Variants in MFSD1 observed in about 807,000 individuals in gnomAD.
MFSD1 encodes major facilitator superfamily domain containing 1, also known as lysosomal dipeptide transporter MFSD1.
A neutral mutation model predicts 67.1 loss-of-function variants in MFSD1; 59 were observed. The observed-to-expected ratio is 0.88, with a 90% CI of 0.71 to 1.09. The LOEUF is 1.09. MFSD1 is among the 50% of genes least tolerant of loss of function. The pLI is 0.00. For missense variants in MFSD1, 552 were observed against 566.1 expected, an observed-to-expected ratio of 0.97 and a Z score of 0.25; for synonymous variants, 213 against 200.3, an observed-to-expected ratio of 1.06 and a Z score of -0.54.
chr3:158,819,914 A>G (rs1479724707), intron 8 of MFSD1, among the ~76,000 whole-genome samples, 167 bp downstream of exon 8: 1 of 151,900 alleles, frequency 6.6e-6, no homozygotes, highest in Non-Finnish European at 1.5e-5. Flanking sequence ...TTTTAGATGT[A>G]TTTTCTTTTC....
Position 158,825,825 on chromosome 3 carries a change from C to T in MFSD1, c.1289-190C>T, listed in dbSNP as rs375054183. On this transcript the variant is annotated intron_variant, in intron 13 of 15. Coordinates refer to ENST00000415822, the MANE Select transcript of MFSD1 (RefSeq NM_022736.4). ...CCTGCCACCCCTGGGCTGAGTAGCC[C>T]TTGGAGAAAATAGTGTGTAACTTAT... is the stretch of plus-strand genomic sequence containing the variant. Among the ~76,000 whole-genome samples, 3 of 152,070 alleles carry T rather than the reference C, an allele frequency of 2.0e-5. No individual in the cohort carries two copies. In the East Asian group the frequency reaches 5.8e-4, roughly 29 times the overall value.
chr3:158,823,329 A>G (rs770755115), intron 11 of MFSD1, 99 bp from the exon 12 acceptor site: 22 of 826,200 alleles, frequency 2.7e-5, no homozygotes, highest in Middle Eastern at 2.2e-4. Flanking sequence ...TTGAATATAT[A>G]TATATTAACT....
rs1251318739 is a variant in MFSD1 at position 158,829,090 on chromosome 3, A to G, written c.*108A>G. ...GTCATTAGAAAAAATAATGGACTGG[A>G]AAGTTATATTTATATCCAAATATAC... On this transcript the variant is annotated 3_prime_UTR_variant, in exon 16 of 16. Transcript: ENST00000415822. The G allele has an allele frequency of 4.7e-6, 5 of 1,067,104 alleles. No homozygotes were observed. Among genetic ancestry groups the G allele is most frequent in the Non-Finnish European group, 5.4e-6 (4 of 735,250 alleles). 66.1% of individuals were successfully genotyped at this position (1,067,104 alleles called of 1,614,324 possible).
In MFSD1 at chr3:158,828,109, C is replaced by G. The variant is rs377614248; in HGVS notation, c.1394+772C>G. Among the ~76,000 whole-genome samples the G allele has an allele frequency of 2.1e-4, 32 of 152,264 alleles. No homozygotes were observed. In the East Asian group the frequency reaches 5.8e-3, roughly 28 times the overall value. ...TAAGTAGTTGATAATTTTTCATCTT[C>G]TTCTGGTACCAATATGTGGTTCTGT... On this transcript the variant is annotated intron_variant, in intron 15 of 15. Transcript: ENST00000415822.
chr3:158,804,320 C>G lies in MFSD1; in HGVS notation c.165C>G (p.Gly55=). The G allele has an allele frequency of 6.2e-7, 1 of 1,607,550 alleles. No homozygotes were observed. Among genetic ancestry groups the G allele is most frequent in the African/African-American group, 1.3e-5 (1 of 74,838 alleles). The change falls in exon 2 of 16, where the codon GGC becomes GGG. Residue 55 remains glycine (G), a splice_region_variant and synonymous_variant. Transcript: ENST00000415822. ...TATAAAGTATTTGCTCTTTTCTAGG[C>G]AGCTATTTTTGCTATGATAATCCTG... ...VLLLMCFLGF[G]SYFCYDNPAA... is the part of the protein sequence containing the mutation.
intron 7 of MFSD1, among the ~76,000 whole-genome samples, chr3:158,818,359 A>G (rs1559920942): frequency 6.6e-6 from 1 of 152,180 alleles, no homozygotes; most frequent in African/African-American, 2.4e-5. Context: ...TGTAGTGACA[A>G]CACTCAAAAC....
chr3:158,813,855 C>T, intron 6 of MFSD1, 110 bp from the exon 7 acceptor site: 1 of 533,022 alleles, frequency 1.9e-6, no homozygotes. Context: ...GAAATTACCT[C>T]CTGTTCAATT....
At chr3:158,804,429 G>A in intron 2 of MFSD1, 58 bp downstream of exon 2, 2 of 1,432,346 alleles carry the variant, frequency 1.4e-6, no homozygotes, top group South Asian at 2.4e-5. Flanking sequence ...TGTAGCGGTG[G>A]AGGCATTATC....
chr3:158,811,895 G>A (rs1576902549), intron 6 of MFSD1, among the ~76,000 whole-genome samples: 2 of 152,144 alleles, frequency 1.3e-5, no homozygotes, highest in East Asian at 3.8e-4. Context: ...ATTCCTCAAA[G>A]ATAGGATGTT....
intron 4 of MFSD1, 29 bp downstream of exon 4, chr3:158,807,111 A>G (rs1291528901): frequency 1.3e-6 from 2 of 1,584,696 alleles, no homozygotes; most frequent in East Asian, 4.5e-5. Flanking sequence ...TTCATTGATT[A>G]TTGACAGTGA....
At chr3:158,803,752 C>T (rs1450737465) in intron 1 of MFSD1, among the ~76,000 whole-genome samples, 6 of 152,152 alleles carry the variant, frequency 3.9e-5, no homozygotes, top group Admixed American at 3.3e-4. Context: ...CTTTCCAGTT[C>T]CCCCAAAGAC....
chr3:158,810,309 T>TA (rs1005251910), intron 6 of MFSD1, among the ~76,000 whole-genome samples: 2 of 151,994 alleles, frequency 1.3e-5, no homozygotes, highest in African/African-American at 4.8e-5. Flanking sequence ...AATAGAGTAT[T>TA]AAAAAAAAAT....
At chr3:158,817,748 A>C (rs1250916997) in intron 7 of MFSD1, among the ~76,000 whole-genome samples, 1 of 152,128 alleles carries the variant, frequency 6.6e-6, no homozygotes, top group Non-Finnish European at 1.5e-5. Context: ...GGAAAAAACT[A>C]CTTTAAAGTT....
chr3:158,807,092 G>T lies in MFSD1; in HGVS notation c.372+10G>T. The T allele has an allele frequency of 6.2e-7, 1 of 1,607,628 alleles. No homozygotes were observed. The highest frequency in any genetic ancestry group is 8.5e-7 in the Non-Finnish European group (1 of 1,175,340). On this transcript the variant is annotated intron_variant, in intron 4 of 15. Transcript: ENST00000415822. ...TGTTTGCATTGGACAGGTAAGGAAG[G>T]CCAAAACATTCATTGATTATTGACA...
intron 7 of MFSD1, among the ~76,000 whole-genome samples, chr3:158,816,341 C>G (rs1730342677): frequency 6.6e-6 from 1 of 152,164 alleles, no homozygotes; most frequent in Non-Finnish European, 1.5e-5. Context: ...TTAATGATCG[C>G]CATTGTAACT....
At position 158,804,298 on chromosome 3, in the gene MFSD1, A is replaced by G. The variant is rs1051452941; in HGVS notation, c.164-21A>G. 1.9e-6 allele frequency: 3 copies of G among 1,581,618 alleles called. No individual in the cohort carries two copies. The Admixed American group carries it at 5.3e-5, about 28-fold the overall frequency. Reference sequence around the variant, plus strand: ...TTATATGGGAAGTATTATTACTTATAAAGTATTTGCTCTTTTCTAGGCAGC... The same window carrying G: ...TTATATGGGAAGTATTATTACTTATGAAGTATTTGCTCTTTTCTAGGCAGC... On this transcript the variant is annotated intron_variant, in intron 1 of 15. Coordinates refer to ENST00000415822, the MANE Select transcript of MFSD1 (RefSeq NM_022736.4).
chr3:158,828,123 A>G (rs12054172), intron 15 of MFSD1, among the ~76,000 whole-genome samples: 32,265 of 152,012 alleles, frequency 0.21, 3,760 homozygotes, highest in African/African-American at 0.3. Context: ...TGGTACCAAT[A>G]TGTGGTTCTG....
intron 6 of MFSD1, among the ~76,000 whole-genome samples, chr3:158,812,205 A>G (rs940789027): frequency 2.0e-5 from 3 of 152,216 alleles, no homozygotes; most frequent in Admixed American, 2.0e-4. Flanking sequence ...CTCAGGCAAT[A>G]GAAAAATCAT....
At chr3:158,820,132 T>C (rs1730597207) in intron 8 of MFSD1, 83 bp from the exon 9 acceptor site, 7 of 726,142 alleles carry the variant, frequency 9.6e-6, no homozygotes, top group Non-Finnish European at 1.7e-5. Context: ...ATCACAAGAT[T>C]TTAAAAAATA....
Sources: allele counts gnomAD v4.1 joint callset (sites outside exome capture counted in the v4.1 genomes callset), GRCh38; gene constraint gnomAD v4.1.1; transcripts MANE v1.5; gene names NCBI Gene and HGNC (gene_info 2026-07-23, HGNC 2026-07-21).